PLCXD3: variants seen among roughly 807,000 people sequenced by gnomAD.
PLCXD3 encodes the protein PI-PLC X domain-containing protein 3.
In PLCXD3, 19 loss-of-function variants were observed where a neutral mutation model predicts 25.5. That is an observed-to-expected ratio of 0.75 (90% CI 0.52 to 1.09). The LOEUF (loss-of-function observed/expected upper bound fraction) is 1.09. Ranked by LOEUF, PLCXD3 falls within the 50% of genes least tolerant of loss-of-function variation. The pLI, the probability that PLCXD3 is intolerant of heterozygous loss-of-function variation, is 0.00. For missense variants in PLCXD3, 411 were observed against 388.1 expected (o/e 1.06, Z -0.50); for synonymous variants, 174 against 137.6 (o/e 1.26, Z -1.85).
intron 1 of PLCXD3, among the ~76,000 whole-genome samples, chr5:41,488,984 T>A (rs1403299949): frequency 6.6e-6 from 1 of 152,160 alleles, no homozygotes; most frequent in African/African-American, 2.4e-5. Context: ...TTTTGGTGTT[T>A]TAGACATGAA....
chr5:41,327,251 T>C (rs73075977), intron 2 of PLCXD3, among the ~76,000 whole-genome samples: 11,513 of 151,838 alleles, frequency 0.076, 1,481 homozygotes, highest in African/African-American at 0.26. Context: ...GCCCTGGAGG[T>C]GTGGGGGAAT....
At chr5:41,473,490 C>T (rs191162) in intron 1 of PLCXD3, among the ~76,000 whole-genome samples, 26,708 of 151,470 alleles carry the variant, frequency 0.18, 2,542 homozygotes, top group Middle Eastern at 0.26. Context: ...TTTTTTGAGA[C>T]GAGTCTTTCT....
chr5:41,465,342 C>T lies in PLCXD3; in HGVS notation c.103+45082G>A, dbSNP rs567888021. ...TAATCTTCAGTTCCTACTTTCCCCA[C>T]TAGTTCTTGTCTTTTTTTTTTTTTT... On this transcript the variant is annotated intron_variant, in intron 1 of 2. Transcript: ENST00000377801. Among the ~76,000 whole-genome samples, 263 of 90,510 alleles carry T rather than the reference C, an allele frequency of 2.9e-3. 1 individual carries two copies. The highest frequency in any genetic ancestry group is 6.5e-3 in the Middle Eastern group (1 of 154). 59.4% of individuals were successfully genotyped at this position (90,510 alleles called of 152,430 possible). A position where few individuals can be genotyped will look rare whatever the true frequency, so the allele number is the denominator to read the frequency against.
intron 1 of PLCXD3, among the ~76,000 whole-genome samples, chr5:41,488,519 G>T (rs201496277): frequency 0.21 from 27,780 of 130,868 alleles, 2,861 homozygotes; most frequent in East Asian, 0.27. Context: ...CTTCCACAAG[G>T]GTTGAACTAG....
intron 1 of PLCXD3, among the ~76,000 whole-genome samples, chr5:41,503,987 TTGTGTGTG>T (rs36021542): frequency 1.3e-5 from 2 of 148,558 alleles, no homozygotes; most frequent in Non-Finnish European, 3.0e-5. Context: ...GTGTGTGCAC[TTGTGTGTG>T]TGTGTGTGTG....
chr5:41,327,725 T>C (rs1167153281), intron 2 of PLCXD3, among the ~76,000 whole-genome samples: 3 of 152,216 alleles, frequency 2.0e-5, no homozygotes, highest in Non-Finnish European at 4.4e-5. Context: ...TCTACTTTAG[T>C]ATAGAAGGAT....
chr5:41,480,910 A>AAAAT (rs577852324), intron 1 of PLCXD3, among the ~76,000 whole-genome samples: 1 of 152,076 alleles, frequency 6.6e-6, no homozygotes. Context: ...ACTCCATCTC[A>AAAAT]AAATAAATAA....
intron 1 of PLCXD3, among the ~76,000 whole-genome samples, chr5:41,457,245 T>G (rs318080): frequency 0.86 from 130,655 of 151,852 alleles, 56,579 homozygotes; most frequent in Middle Eastern, 0.9. Flanking sequence ...GAAAGCGATT[T>G]GCATGAACAT....
At chr5:41,467,332 T>C (rs1748041327) in intron 1 of PLCXD3, among the ~76,000 whole-genome samples, 1 of 152,208 alleles carries the variant, frequency 6.6e-6, no homozygotes, top group Non-Finnish European at 1.5e-5. Context: ...CATATTCCTG[T>C]TGGCCATTCA....
In PLCXD3 at chr5:41,309,837, T is replaced by C. The variant is rs969499944; in HGVS notation, c.*3780A>G. 6 of 152,176 alleles carry C rather than the reference T, an allele frequency of 3.9e-5. No homozygotes were observed. The highest frequency in any genetic ancestry group is 8.8e-5 in the Non-Finnish European group (6 of 68,012). 9.4% of individuals were successfully genotyped at this position (152,176 alleles called of 1,614,324 possible). On this transcript the variant is annotated 3_prime_UTR_variant, in exon 3 of 3. Transcript: ENST00000377801. ...CTATTTCTGATGGCCTCACTTTTCA[T>C]TGGTTTTCTAGTTACTTTTCTCCTC...
chr5:41,424,370 G>A (rs1369172039), intron 1 of PLCXD3, among the ~76,000 whole-genome samples: 8 of 152,052 alleles, frequency 5.3e-5, no homozygotes, highest in Non-Finnish European at 7.4e-5. Flanking sequence ...GATAAACCCC[G>A]TCTCTACTAA....
At chr5:41,396,013 A>AAC in intron 1 of PLCXD3, among the ~76,000 whole-genome samples, 1 of 151,352 alleles carries the variant, frequency 6.6e-6, no homozygotes, top group Non-Finnish European at 1.5e-5. Flanking sequence ...AAAAAAAAAA[A>AAC]CCACAAAACA....
At chr5:41,334,261 G>C (rs1346909591) in intron 2 of PLCXD3, among the ~76,000 whole-genome samples, 1 of 150,004 alleles carries the variant, frequency 6.7e-6, no homozygotes, top group Non-Finnish European at 1.5e-5. Flanking sequence ...TAATACTTTG[G>C]GGTTACTACA....
intron 1 of PLCXD3, among the ~76,000 whole-genome samples, chr5:41,417,210 G>A (rs1252320332): frequency 6.6e-6 from 1 of 152,254 alleles, no homozygotes; most frequent in African/African-American, 2.4e-5. Flanking sequence ...GCTGCCTAAG[G>A]GTCCCAGGAA....
At chr5:41,455,953 C>T (rs939271999) in intron 1 of PLCXD3, among the ~76,000 whole-genome samples, 6 of 151,776 alleles carry the variant, frequency 4.0e-5, no homozygotes, top group African/African-American at 9.7e-5. Context: ...GTAAGATTGT[C>T]GCAAAGAATA....
intron 1 of PLCXD3, among the ~76,000 whole-genome samples, chr5:41,462,747 T>A (rs1382043702): frequency 6.6e-6 from 1 of 151,674 alleles, no homozygotes; most frequent in Non-Finnish European, 1.5e-5. Context: ...ATCGCATCAT[T>A]TCACTCCAGC....
intron 2 of PLCXD3, among the ~76,000 whole-genome samples, chr5:41,314,838 T>G (rs1743242323): frequency 6.6e-6 from 1 of 151,762 alleles, no homozygotes; most frequent in African/African-American, 2.4e-5. Flanking sequence ...AGCAGAGGAG[T>G]GGTGTGATTT....
intron 1 of PLCXD3, among the ~76,000 whole-genome samples, chr5:41,435,830 G>A (rs1429954380): frequency 2.0e-5 from 3 of 152,184 alleles, no homozygotes; most frequent in African/African-American, 7.2e-5. Context: ...GCAAAGAATG[G>A]AGTTTCTCCT....
chr5:41,496,016 A>AAACAGAAAATATTTTAAAAT (rs1480484266), intron 1 of PLCXD3, among the ~76,000 whole-genome samples: 1 of 152,140 alleles, frequency 6.6e-6, no homozygotes, highest in Non-Finnish European at 1.5e-5. Context: ...AAACTTCATC[A>AAACAGAAAATATTTTAAAAT]AACAGAAAAT....
Sources: allele counts gnomAD v4.1 joint callset (sites outside exome capture counted in the v4.1 genomes callset), GRCh38; gene constraint gnomAD v4.1.1; transcripts MANE v1.5; gene names NCBI Gene and HGNC (gene_info 2026-07-23, HGNC 2026-07-21).